Variants in AGMO observed in about 807,000 individuals in gnomAD.
AGMO encodes the protein glyceryl-ether monooxygenase.
In AGMO, 75 loss-of-function variants were observed where a neutral mutation model predicts 60.2. That is an observed-to-expected ratio of 1.25 (90% CI 1.03 to 1.51). The LOEUF (loss-of-function observed/expected upper bound fraction) is 1.51. Ranked by LOEUF, AGMO falls within the 40% of genes most tolerant of loss-of-function variation. The pLI, the probability that AGMO is intolerant of heterozygous loss-of-function variation, is 0.00. For missense variants in AGMO, 763 were observed against 525.5 expected (o/e 1.45, Z -4.42); for synonymous variants, 261 against 177.1 (o/e 1.47, Z -3.76).
At chr7:15,406,281 C>CATATGTGTGTATATATATGGAATATACAT (rs1784684194) in intron 5 of AGMO, among the ~76,000 whole-genome samples, 3 of 124,242 alleles carry the variant, frequency 2.4e-5, no homozygotes, top group South Asian at 2.5e-4. Flanking sequence ...TACATGTACA[C>CATATGTGTGTATATATATGGAATATACAT]ATATGTGTGT....
At chr7:15,360,419 T>C (rs768068193) in intron 12 of AGMO, among the ~76,000 whole-genome samples, 21 of 152,306 alleles carry the variant, frequency 1.4e-4, no homozygotes, top group Non-Finnish European at 2.5e-4. Flanking sequence ...ACCTTAGTGG[T>C]AACATGAACA....
At chr7:15,366,519 G>A (rs1782987082) in intron 10 of AGMO, among the ~76,000 whole-genome samples, 1 of 151,992 alleles carries the variant, frequency 6.6e-6, no homozygotes, top group African/African-American at 2.4e-5. Flanking sequence ...AAGCATGTGA[G>A]TCCCCACATA....
At chr7:15,188,629 G>T in the AGMO span, among the ~76,000 whole-genome samples, 1 of 152,148 alleles carries the variant, frequency 6.6e-6, no homozygotes, top group Admixed American at 6.5e-5. Context: ...GAATTTTCAA[G>T]CACTGGGCTC....
chr7:15,207,224 C>T (rs1206941071), intron 12 of AGMO, among the ~76,000 whole-genome samples: 6 of 152,162 alleles, frequency 3.9e-5, no homozygotes, highest in Admixed American at 2.6e-4. Context: ...CATGAATTAG[C>T]TACTGCACAT....
chr7:15,390,698 A>G lies in AGMO; in HGVS notation c.795T>C (p.Ile265=). The change falls in exon 8 of 13, where the codon ATT becomes ATC. Residue 265 remains isoleucine, a synonymous_variant. Transcript: ENST00000342526. The part of the protein sequence containing the change: ...EKVVYGLTHP[I]NTFEPIKVQF... ...GCACTTTGATTGGTTCAAATGTATT[A>G]ATGGGATGTGTTAAGCCATATACAA... The G allele has an allele frequency of 6.2e-7, 1 of 1,609,668 alleles. No individual in the cohort carries two copies. Among genetic ancestry groups the G allele is most frequent in the Non-Finnish European group, 8.5e-7 (1 of 1,177,124 alleles).
At chr7:15,527,691 T>C (rs1221031473) in intron 3 of AGMO, among the ~76,000 whole-genome samples, 8 of 152,182 alleles carry the variant, frequency 5.3e-5, no homozygotes, top group Non-Finnish European at 1.0e-4. Flanking sequence ...ACAATTTTCA[T>C]AGTTAGAAGT....
chr7:15,409,552 T>G (rs2128492009), intron 5 of AGMO, among the ~76,000 whole-genome samples: 1 of 152,006 alleles, frequency 6.6e-6, no homozygotes, highest in South Asian at 2.1e-4. Flanking sequence ...TCTATTAAAT[T>G]TCTAGAATGG....
intron 3 of AGMO, among the ~76,000 whole-genome samples, chr7:15,497,229 G>C (rs1783256685): frequency 1.3e-5 from 2 of 151,980 alleles, no homozygotes; most frequent in Non-Finnish European, 2.9e-5. Flanking sequence ...GATGAGAAAA[G>C]GTGAGTCAGA....
At chr7:15,418,741 T>C in intron 4 of AGMO, 88 bp from the exon 5 acceptor site, 1 of 780,080 alleles carries the variant, frequency 1.3e-6, no homozygotes, top group Non-Finnish European at 2.1e-6. Context: ...TGCATATTTC[T>C]TTAGGAAATA....
intron 12 of AGMO, among the ~76,000 whole-genome samples, chr7:15,282,170 A>G (rs568050804): frequency 3.3e-5 from 5 of 152,268 alleles, no homozygotes; most frequent in Admixed American, 2.0e-4. Flanking sequence ...ACAAAACAGG[A>G]TTCCATAACA....
chr7:15,183,524 T>A, the AGMO span, among the ~76,000 whole-genome samples: 1 of 152,230 alleles, frequency 6.6e-6, no homozygotes, highest in Non-Finnish European at 1.5e-5. Flanking sequence ...TGTTTGCCTA[T>A]TGTCCTTGGC....
At chr7:15,463,306 A>G (rs969226556) in intron 3 of AGMO, among the ~76,000 whole-genome samples, 1 of 152,168 alleles carries the variant, frequency 6.6e-6, no homozygotes, top group Non-Finnish European at 1.5e-5. Flanking sequence ...AAAACATTAC[A>G]GAATTTTGTT....
intron 10 of AGMO, among the ~76,000 whole-genome samples, chr7:15,372,108 GTATCCTT>G (rs549858852): frequency 1.8e-3 from 270 of 152,002 alleles, no homozygotes; most frequent in Non-Finnish European, 3.1e-3. Context: ...TTTCTATATA[GTATCCTT>G]TGATAGACTA....
At chr7:15,331,286 T>G (rs1260850277) in intron 12 of AGMO, among the ~76,000 whole-genome samples, 1 of 152,164 alleles carries the variant, frequency 6.6e-6, no homozygotes, top group Non-Finnish European at 1.5e-5. Flanking sequence ...ATAGAAGCTG[T>G]GAGAAATAAA....
intron 12 of AGMO, among the ~76,000 whole-genome samples, chr7:15,241,476 A>C (rs1316714842): frequency 7.3e-6 from 1 of 137,064 alleles, no homozygotes; most frequent in Non-Finnish European, 1.6e-5. Context: ...AAAAAAAAAA[A>C]AAAAAAAAAA....
chr7:15,425,844 C>T (rs28375788), intron 4 of AGMO, among the ~76,000 whole-genome samples: 81,632 of 151,538 alleles, frequency 0.54, 22,127 homozygotes, highest in Middle Eastern at 0.68. Context: ...AATTTCAATA[C>T]CAACGTAGAG....
chr7:15,219,267 G>T (rs1464256972), intron 12 of AGMO, among the ~76,000 whole-genome samples: 1 of 152,192 alleles, frequency 6.6e-6, no homozygotes, highest in Non-Finnish European at 1.5e-5. Flanking sequence ...TGTGCTGTGT[G>T]CAGTAGAGAC....
chr7:15,368,503 T>G (rs1477087913), intron 10 of AGMO, among the ~76,000 whole-genome samples: 1 of 152,146 alleles, frequency 6.6e-6, no homozygotes, highest in African/African-American at 2.4e-5. Flanking sequence ...ATCACCCATG[T>G]AAACATGAGC....
intron 12 of AGMO, among the ~76,000 whole-genome samples, chr7:15,227,614 C>T (rs1782126945): frequency 6.6e-6 from 1 of 151,830 alleles, no homozygotes; most frequent in African/African-American, 2.4e-5. Flanking sequence ...CTGGAGTCTG[C>T]ACAAAATAAG....
Sources: allele counts gnomAD v4.1 joint callset (sites outside exome capture counted in the v4.1 genomes callset), GRCh38; gene constraint gnomAD v4.1.1; transcripts MANE v1.5; gene names NCBI Gene and HGNC (gene_info 2026-07-23, HGNC 2026-07-21).